The following NAV3 variants were observed in gnomAD, a reference collection of about 807,000 sequenced individuals.
NAV3 encodes pore membrane and/or filament interacting like protein 1.
NAV3 carries 87 observed loss-of-function variants against 244.7 expected under a neutral mutation model. The ratio of observed to expected loss-of-function variants is 0.36; its 90% CI spans 0.30 to 0.42. NAV3 has a LOEUF of 0.42. Among genes scored for constraint, NAV3 ranks in the 20% least tolerant of loss-of-function variants. NAV3 has a pLI of 1.00. For missense variants in NAV3, 2,663 were observed against 2,893.3 expected, an observed-to-expected ratio of 0.92 and a Z score of 1.83; for synonymous variants, 1,126 against 1,042.2, an observed-to-expected ratio of 1.08 and a Z score of -1.55.
chr12:78,068,282 T>C (rs913168968), intron 12 of NAV3, among the ~76,000 whole-genome samples: 5 of 151,930 alleles, frequency 3.3e-5, no homozygotes, highest in Non-Finnish European at 7.4e-5. Context: ...ATCTTATGTT[T>C]TAAGTATTAT....
At chr12:77,585,216 C>T (rs936022552) in intron 2 of NAV3, among the ~76,000 whole-genome samples, 2 of 152,180 alleles carry the variant, frequency 1.3e-5, no homozygotes, top group African/African-American at 2.4e-5. Context: ...GCAACTGTAG[C>T]TGCAGTGCTC....
intron 2 of NAV3, among the ~76,000 whole-genome samples, chr12:77,698,482 G>A (rs1875415158): frequency 6.6e-6 from 1 of 151,960 alleles, no homozygotes. Context: ...TGATTTTGTT[G>A]AATTTGGCTA....
chr12:77,616,436 C>T (rs1235525899), intron 2 of NAV3, among the ~76,000 whole-genome samples: 1 of 152,030 alleles, frequency 6.6e-6, no homozygotes, highest in Non-Finnish European at 1.5e-5. Context: ...TAAATCCCTG[C>T]ATAGTTTTTT....
intron 2 of NAV3, among the ~76,000 whole-genome samples, chr12:77,613,855 A>G (rs547838078): frequency 1.3e-5 from 2 of 152,216 alleles, no homozygotes; most frequent in South Asian, 2.1e-4. Flanking sequence ...TTTAACCACA[A>G]ACCAAGTCTA....
At chr12:77,733,950 G>C (rs1369120940) in intron 2 of NAV3, among the ~76,000 whole-genome samples, 1 of 149,832 alleles carries the variant, frequency 6.7e-6, no homozygotes, top group African/African-American at 2.5e-5. Flanking sequence ...AGATATTTAA[G>C]ATGTTAGGAG....
intron 12 of NAV3, among the ~76,000 whole-genome samples, chr12:78,077,250 G>T (rs1339288140): frequency 1.3e-5 from 2 of 152,020 alleles, no homozygotes; most frequent in Non-Finnish European, 2.9e-5. Context: ...GCTCAATAAA[G>T]TTAACCCAAA....
At chr12:78,193,671 AT>A (rs1158966583) in intron 34 of NAV3, among the ~76,000 whole-genome samples, 1 of 152,130 alleles carries the variant, frequency 6.6e-6, no homozygotes, top group Non-Finnish European at 1.5e-5. Flanking sequence ...TCATGAAGTT[AT>A]TTCAAGGGAA....
At chr12:77,586,555 G>A (rs1373170662) in intron 2 of NAV3, among the ~76,000 whole-genome samples, 1 of 152,120 alleles carries the variant, frequency 6.6e-6, no homozygotes, top group Non-Finnish European at 1.5e-5. Context: ...TTTTCTTAAA[G>A]TCTTAGAGAG....
chr12:77,687,627 G>A (rs1008592023), intron 2 of NAV3, among the ~76,000 whole-genome samples: 1 of 152,032 alleles, frequency 6.6e-6, no homozygotes, highest in Non-Finnish European at 1.5e-5. Context: ...TCAAATTTGA[G>A]CAAAAAGAAC....
rs542964476 is a variant in NAV3, at chr12:78,054,829, T to G, written c.2516+3682T>G. ...AGAGAGAGCGAGAGAGAGAGGATTT[T>G]TTGATGAGAAAGCAGAGAGAGAGAT... On this transcript the variant is annotated intron_variant, in intron 11 of 39. Transcript: ENST00000397909. Among the ~76,000 whole-genome samples, 12 of 152,062 alleles carry G rather than the reference T, an allele frequency of 7.9e-5. 1 individual carries two copies. The South Asian group carries it at 2.5e-3, about 32-fold the overall frequency.
intron 2 of NAV3, among the ~76,000 whole-genome samples, chr12:77,812,527 G>C (rs1348430879): frequency 6.6e-6 from 1 of 151,654 alleles, no homozygotes; most frequent in Non-Finnish European, 1.5e-5. Context: ...CAATTCTCCT[G>C]TCTCAGCCTT....
chr12:77,666,917 G>A (rs1002171721), intron 2 of NAV3, among the ~76,000 whole-genome samples: 11 of 152,002 alleles, frequency 7.2e-5, no homozygotes, highest in Non-Finnish European at 1.3e-4. Context: ...ACATTTAATG[G>A]CTACCTTAAA....
At chr12:78,069,541 G>A (rs997229565) in intron 12 of NAV3, among the ~76,000 whole-genome samples, 8 of 151,754 alleles carry the variant, frequency 5.3e-5, no homozygotes, top group Non-Finnish European at 8.8e-5. Context: ...ATAATACTGT[G>A]TAATATTAGA....
intron 2 of NAV3, among the ~76,000 whole-genome samples, chr12:77,723,431 G>C (rs555265888): frequency 2.6e-5 from 4 of 151,994 alleles, no homozygotes; most frequent in African/African-American, 9.7e-5. Context: ...ATGCTGCTTA[G>C]ACTACATGGA....
At chr12:77,749,001 G>A (rs561084583) in intron 2 of NAV3, among the ~76,000 whole-genome samples, 1 of 152,084 alleles carries the variant, frequency 6.6e-6, no homozygotes, top group Non-Finnish European at 1.5e-5. Context: ...AATTTTATTT[G>A]TCAATTATAC....
At chr12:78,051,638 T>G (rs1188877086) in intron 11 of NAV3, among the ~76,000 whole-genome samples, 1 of 152,198 alleles carries the variant, frequency 6.6e-6, no homozygotes. Flanking sequence ...TTCATTTTCT[T>G]TTGATGGTAT....
At chr12:78,012,116 GA>G (rs1368225567) in intron 8 of NAV3, among the ~76,000 whole-genome samples, 2 of 152,000 alleles carry the variant, frequency 1.3e-5, no homozygotes, top group Non-Finnish European at 2.9e-5. Flanking sequence ...TACTAAAGAA[GA>G]AAAGAAATGG....
At chr12:77,578,165 A>C (rs1025904719) in intron 2 of NAV3, among the ~76,000 whole-genome samples, 1 of 152,182 alleles carries the variant, frequency 6.6e-6, no homozygotes, top group African/African-American at 2.4e-5. Context: ...AAATCAACAT[A>C]TTTGATTTTC....
In NAV3 at chr12:77,831,132, T is replaced by C. The variant is rs576966425; in HGVS notation, c.-330T>C. The C allele has an allele frequency of 5.4e-6, 1 of 183,554 alleles. No individual in the cohort carries two copies. The highest frequency in any genetic ancestry group is 1.1e-5 in the Non-Finnish European group (1 of 89,308). The allele number at this position is 183,554 out of a possible 1,614,324, so 11.4% of individuals were successfully genotyped here. A position where few individuals can be genotyped will look rare whatever the true frequency, so the allele number is the denominator to read the frequency against. On this transcript the variant is annotated 5_prime_UTR_variant, in exon 1 of 40. Transcript: ENST00000397909. The stretch of plus-strand genomic sequence containing the variant: ...CCCCAAAGGAGTATTTAGTATTACT[T>C]AGATACTGAGTCACTGAACAGAGAG...
Sources: allele counts gnomAD v4.1 joint callset (sites outside exome capture counted in the v4.1 genomes callset), GRCh38; gene constraint gnomAD v4.1.1; transcripts MANE v1.5; gene names NCBI Gene and HGNC (gene_info 2026-07-23, HGNC 2026-07-21).